NIBAN1: variants seen among roughly 807,000 people sequenced by gnomAD.
The protein encoded by NIBAN1 is protein Niban 1.
NIBAN1 carries 81 observed loss-of-function variants against 75.1 expected under a neutral mutation model. The observed-to-expected ratio is 1.08, with a 90% CI of 0.90 to 1.30. The LOEUF (loss-of-function observed/expected upper bound fraction) is 1.30, where lower values mean the gene tolerates loss of function less well. Ranked by LOEUF, NIBAN1 falls within the 50% of genes most tolerant of loss-of-function variation. NIBAN1 has a pLI of 0.00. For synonymous variants in NIBAN1, 436 were observed against 424.8 expected (o/e 1.03, Z -0.32); for missense variants, 1,133 against 1,128.1 (o/e 1.00, Z -0.06).
intron 5 of NIBAN1, among the ~76,000 whole-genome samples, chr1:184,841,054 T>C (rs1655273983): frequency 6.6e-6 from 1 of 151,986 alleles, no homozygotes; most frequent in African/African-American, 2.4e-5. Flanking sequence ...GATACAAAGC[T>C]GAAAAAAATA....
At chr1:184,885,166 A>T (rs1452138843) in intron 4 of NIBAN1, among the ~76,000 whole-genome samples, 1 of 152,158 alleles carries the variant, frequency 6.6e-6, no homozygotes, top group African/African-American at 2.4e-5. Context: ...CTCCTGCCTC[A>T]GCCTCCTGAG....
intron 1 of NIBAN1, among the ~76,000 whole-genome samples, chr1:184,913,006 A>G (rs1657283955): frequency 6.6e-6 from 1 of 152,070 alleles, no homozygotes; most frequent in Admixed American, 6.6e-5. Flanking sequence ...CCAAGTGATT[A>G]TGATCCACAC....
intron 11 of NIBAN1, among the ~76,000 whole-genome samples, chr1:184,804,534 A>C (rs78034913): frequency 2.6e-5 from 4 of 152,330 alleles, no homozygotes; most frequent in Non-Finnish European, 4.4e-5. Flanking sequence ...CTGCCAGTGC[A>C]GGTGTCGGAG....
At chr1:184,811,603 A>C (rs1032591409) in intron 9 of NIBAN1, among the ~76,000 whole-genome samples, 2 of 142,774 alleles carry the variant, frequency 1.4e-5, no homozygotes, top group African/African-American at 5.3e-5. Flanking sequence ...TCCTGGGTTC[A>C]TGCCATTCTC....
chr1:184,878,506 C>T (rs1298920377), intron 5 of NIBAN1, among the ~76,000 whole-genome samples: 4 of 152,144 alleles, frequency 2.6e-5, no homozygotes, highest in African/African-American at 7.2e-5. Flanking sequence ...ATTTTATCTT[C>T]AGAGCACTTC....
At position 184,823,742 on chromosome 1, in the gene NIBAN1, T is replaced by A. The variant is rs914171812; in HGVS notation, c.718A>T (p.Ile240Phe). Residue 240 changes from isoleucine (I) to phenylalanine (F), a missense_variant and splice_region_variant, in exon 7 of 14, where the codon ATC becomes TTC. Coordinates refer to ENST00000367511, the MANE Select transcript of NIBAN1 (RefSeq NM_052966.4). The part of the protein sequence containing the change: ...WEMITGDEIQ[I>F]LSNLVMEELL... ...TCCTCCATCACCAGGTTACTCAGGATCTGCGCAGCAGAAGACAGCCCAGAG... is the reference window on the plus strand; with the variant it reads ...TCCTCCATCACCAGGTTACTCAGGAACTGCGCAGCAGAAGACAGCCCAGAG... 5 of 1,614,006 alleles carry A rather than the reference T, an allele frequency of 3.1e-6. No individual in the cohort carries two copies. In the East Asian group the frequency reaches 8.9e-5, roughly 29 times the overall value.
chr1:184,807,006 G>A (rs1367032031), intron 10 of NIBAN1, among the ~76,000 whole-genome samples: 1 of 152,122 alleles, frequency 6.6e-6, no homozygotes, highest in Non-Finnish European at 1.5e-5. Flanking sequence ...CTGACTTCAA[G>A]TGATCCACCC....
At chr1:184,942,278 A>C (rs778223686) in intron 1 of NIBAN1, among the ~76,000 whole-genome samples, 4 of 152,270 alleles carry the variant, frequency 2.6e-5, no homozygotes, top group Non-Finnish European at 4.4e-5. Context: ...GTGTGCATTA[A>C]AGTTATACTT....
intron 6 of NIBAN1, among the ~76,000 whole-genome samples, chr1:184,824,806 T>C (rs1571495186): frequency 6.6e-6 from 1 of 152,212 alleles, no homozygotes; most frequent in Non-Finnish European, 1.5e-5. Context: ...CATATGTCAC[T>C]AATAGAATGT....
At chr1:184,914,270 C>A (rs1657324094) in intron 1 of NIBAN1, among the ~76,000 whole-genome samples, 1 of 152,196 alleles carries the variant, frequency 6.6e-6, no homozygotes, top group Non-Finnish European at 1.5e-5. Flanking sequence ...GATGTGGAAG[C>A]CATCTGCTCA....
intron 2 of NIBAN1, among the ~76,000 whole-genome samples, chr1:184,898,343 G>A (rs1656858490): frequency 6.6e-6 from 1 of 152,164 alleles, no homozygotes; most frequent in African/African-American, 2.4e-5. Flanking sequence ...GGCTGGGCGT[G>A]GTGGCTCACA....
chr1:184,873,185 T>C (rs1231291526), intron 5 of NIBAN1, among the ~76,000 whole-genome samples: 1 of 152,102 alleles, frequency 6.6e-6, no homozygotes, highest in Non-Finnish European at 1.5e-5. Flanking sequence ...GAGAATGAGA[T>C]AAACAAAAAC....
intron 1 of NIBAN1, among the ~76,000 whole-genome samples, chr1:184,930,167 C>T (rs765627224): frequency 2.6e-5 from 4 of 152,208 alleles, no homozygotes; most frequent in Non-Finnish European, 5.9e-5. Context: ...TCCTCTTTCA[C>T]AACTTCCTAC....
chr1:184,927,651 C>T (rs1476803883), intron 1 of NIBAN1, among the ~76,000 whole-genome samples: 2 of 152,242 alleles, frequency 1.3e-5, no homozygotes, highest in African/African-American at 2.4e-5. Flanking sequence ...ATAACCACTG[C>T]CTGCCTACGA....
At chr1:184,800,115 G>C (rs1183911095) in intron 12 of NIBAN1, among the ~76,000 whole-genome samples, 4 of 145,994 alleles carry the variant, frequency 2.7e-5, no homozygotes, top group African/African-American at 1.0e-4. Flanking sequence ...CTGATGGCCA[G>C]TGATGGTGAG....
At chr1:184,892,017 G>T (rs1426609445) in intron 3 of NIBAN1, among the ~76,000 whole-genome samples, 1 of 152,166 alleles carries the variant, frequency 6.6e-6, no homozygotes, top group Non-Finnish European at 1.5e-5. Context: ...CAAACTGCAA[G>T]CTGAGAGAGC....
chr1:184,805,804 G>C (rs539528147), intron 11 of NIBAN1, 142 bp downstream of exon 11: 1 of 656,308 alleles, frequency 1.5e-6, no homozygotes, highest in African/African-American at 1.8e-5. Flanking sequence ...AACTGCAGCG[G>C]ACTGACAGTC....
At chr1:184,808,506 T>C (rs1247969399) in intron 9 of NIBAN1, among the ~76,000 whole-genome samples, 1 of 152,148 alleles carries the variant, frequency 6.6e-6, no homozygotes, top group Non-Finnish European at 1.5e-5. Context: ...CTCCAGTCTT[T>C]GTAAGCTGTT....
At chr1:184,832,510 C>T (rs930094584) in intron 5 of NIBAN1, among the ~76,000 whole-genome samples, 5 of 152,222 alleles carry the variant, frequency 3.3e-5, no homozygotes, top group African/African-American at 1.2e-4. Context: ...TCATTGAGAC[C>T]TCACAAAAAC....
Sources: gnomAD v4.1 joint callset for allele counts (sites outside exome capture counted in the v4.1 genomes callset) on GRCh38, gnomAD v4.1.1 for gene constraint, MANE v1.5 for transcripts, NCBI Gene and HGNC (gene_info 2026-07-23, HGNC 2026-07-21) for gene names.